The following SH3RF2 variants were observed in gnomAD, a reference collection of about 807,000 sequenced individuals.
The protein encoded by SH3RF2 is E3 ubiquitin-protein ligase SH3RF2.
In SH3RF2, 43 loss-of-function variants were observed where a neutral mutation model predicts 59.0. The observed-to-expected ratio is 0.73, with a 90% confidence interval of 0.57 to 0.94. The LOEUF is 0.94. Among genes scored for constraint, SH3RF2 ranks in the 40% least tolerant of loss-of-function variants. SH3RF2 has a pLI of 0.00. For missense variants in SH3RF2, 930 were observed against 940.1 expected (o/e 0.99, Z 0.14); for synonymous variants, 391 against 391.5 (o/e 1.00, Z 0.01).
intron 2 of SH3RF2, among the ~76,000 whole-genome samples, chr5:145,991,836 A>C (rs933840842): frequency 3.3e-5 from 5 of 152,224 alleles, no homozygotes; most frequent in South Asian, 2.1e-4. Context: ...AGAAAGAAAG[A>C]AAGCTAGCAA....
rs1382787850 is a variant in SH3RF2 at position 146,060,042 on chromosome 5, G to A, written c.1732G>A (p.Gly578Arg). 6.2e-7 allele frequency: 1 copy of A among 1,612,930 alleles called. No homozygotes were observed. Among genetic ancestry groups the A allele is most frequent in the Non-Finnish European group, 8.5e-7 (1 of 1,179,498 alleles). The change falls in exon 9 of 10, where the codon GGG (glycine) becomes AGG (arginine). Residue 578 changes from glycine to arginine, a missense_variant. Gly to Arg is a moderately radical substitution (Grantham distance 125, BLOSUM62 -2). Coordinates refer to ENST00000359120, the MANE Select transcript of SH3RF2 (RefSeq NM_152550.4). ...GATGGGGTCCAAGCCTGCCCTCACG[G>A]GGGAGCCCGCCCTCACGTGCATCAG... ...VEMGSKPALT[G>R]EPALTCISRG... is the part of the protein sequence containing the mutation.
chr5:146,081,483 A>G (rs1419576508), exon 10 of SH3RF2: 1 of 152,196 alleles, frequency 6.6e-6, no homozygotes, highest in Non-Finnish European at 1.5e-5. Context: ...TAGTGGCCTT[A>G]ATGAAGTGCT....
chr5:145,992,076 T>C (rs1313777755), intron 2 of SH3RF2, among the ~76,000 whole-genome samples: 1 of 152,110 alleles, frequency 6.6e-6, no homozygotes, highest in Non-Finnish European at 1.5e-5. Context: ...CCACAGATTA[T>C]ATTTTAAGAA....
intron 5 of SH3RF2, among the ~76,000 whole-genome samples, chr5:146,028,532 C>T (rs577049430): frequency 1.2e-4 from 18 of 152,340 alleles, no homozygotes; most frequent in East Asian, 3.9e-4. Context: ...TTGCGGCGGC[C>T]GCCCTGGGCA....
intron 2 of SH3RF2, among the ~76,000 whole-genome samples, chr5:145,998,926 A>C (rs986686097): frequency 3.3e-5 from 5 of 152,208 alleles, no homozygotes; most frequent in Non-Finnish European, 7.3e-5. Context: ...AAAAGAAAAC[A>C]AAAAAGTTGT....
intron 2 of SH3RF2, among the ~76,000 whole-genome samples, chr5:145,940,146 G>A (rs1470394324): frequency 2.0e-5 from 3 of 152,108 alleles, no homozygotes; most frequent in Non-Finnish European, 4.4e-5. Context: ...TCAGACTATC[G>A]TCTGTGCCCA....
At chr5:145,938,631 G>A (rs1398097778) in intron 2 of SH3RF2, among the ~76,000 whole-genome samples, 2 of 152,190 alleles carry the variant, frequency 1.3e-5, no homozygotes, top group Non-Finnish European at 2.9e-5. Flanking sequence ...ACTAGTGCCT[G>A]GGAAATGCAC....
At chr5:146,076,018 T>C (rs902031254) in intron 9 of SH3RF2, among the ~76,000 whole-genome samples, 1 of 152,028 alleles carries the variant, frequency 6.6e-6, no homozygotes, top group Non-Finnish European at 1.5e-5. Flanking sequence ...CCTCCTACCA[T>C]TGATGGGATT....
chr5:146,004,154 G>C lies in SH3RF2; in HGVS notation c.744+1G>C, dbSNP rs1310037648. The stretch of plus-strand genomic sequence containing the variant: ...CATCTTCCCTATCTTGTTTGTAGAG[G>C]TACGTGAGTATCAAGTCTACATCTG... On this transcript the variant is annotated splice_donor_variant, in intron 4 of 9. Coordinates refer to ENST00000359120, the MANE Select transcript of SH3RF2 (RefSeq NM_152550.4). LOFTEE classifies it high-confidence loss of function. 6.2e-7 allele frequency: 1 copy of C among 1,608,836 alleles called. No individual in the cohort carries two copies. Among genetic ancestry groups the C allele is most frequent in the Non-Finnish European group, 8.5e-7 (1 of 1,176,094 alleles).
intron 2 of SH3RF2, among the ~76,000 whole-genome samples, chr5:145,958,217 C>T (rs1024112660): frequency 2.6e-5 from 4 of 152,224 alleles, no homozygotes; most frequent in Non-Finnish European, 5.9e-5. Flanking sequence ...TCAGTTTCCT[C>T]CTCTGTAAAA....
chr5:146,063,791 C>T (rs1171187609), downstream of SH3RF2, among the ~76,000 whole-genome samples: 2 of 151,976 alleles, frequency 1.3e-5, no homozygotes, highest in African/African-American at 2.4e-5. Flanking sequence ...ACCCGGGAGG[C>T]GGAGATTACA....
At chr5:146,057,986 A>ATC (rs1267952512) in intron 8 of SH3RF2, among the ~76,000 whole-genome samples, 4 of 146,606 alleles carry the variant, frequency 2.7e-5, no homozygotes, top group African/African-American at 7.5e-5. Flanking sequence ...CTATCTATCT[A>ATC]TATATATATA....
At chr5:146,064,803 G>GAAA (rs1763048350), downstream of SH3RF2, among the ~76,000 whole-genome samples, 18 of 20,812 alleles carry the variant, frequency 8.6e-4, no homozygotes, top group African/African-American at 2.7e-3. Flanking sequence ...AAGGAAGGAA[G>GAAA]GAAGGAAAGA....
intron 2 of SH3RF2, among the ~76,000 whole-genome samples, chr5:145,973,059 C>G (rs990153037): frequency 2.0e-5 from 3 of 152,124 alleles, no homozygotes. Context: ...GGAAAGACAC[C>G]TGACCCGTGC....
At chr5:145,964,993 G>C (rs1253908306) in intron 2 of SH3RF2, among the ~76,000 whole-genome samples, 2 of 152,068 alleles carry the variant, frequency 1.3e-5, no homozygotes, top group African/African-American at 4.8e-5. Context: ...AGGAGTTCGA[G>C]ACTAGCCTGC....
intron 4 of SH3RF2, among the ~76,000 whole-genome samples, chr5:146,007,822 T>C (rs1274800555): frequency 6.6e-6 from 1 of 152,238 alleles, no homozygotes; most frequent in Non-Finnish European, 1.5e-5. Flanking sequence ...TGCTCTAATC[T>C]GGAAACCTGA....
intron 9 of SH3RF2, among the ~76,000 whole-genome samples, chr5:146,070,788 A>G (rs888136280): frequency 1.3e-5 from 2 of 152,196 alleles, no homozygotes; most frequent in African/African-American, 4.8e-5. Context: ...GGGTAGATAC[A>G]CACCCACAGA....
chr5:146,056,306 C>G (rs1475317500), intron 8 of SH3RF2, 93 bp downstream of exon 8: 2 of 1,570,780 alleles, frequency 1.3e-6, no homozygotes, highest in African/African-American at 2.7e-5. Context: ...AAAACAGGAT[C>G]TTGGCTTTAA....
chr5:146,004,086 T>C lies in SH3RF2; in HGVS notation c.677T>C (p.Val226Ala). ...GATATCATCACTGTGATCAGCCGAG[T>C]GGATGAGAACTGGGCAGAAGGCAAG... is the stretch of plus-strand genomic sequence containing the variant. ...KDDIITVISR[V>A]DENWAEGKLG... Residue 226 changes from valine (V) to alanine (A), a missense_variant, in exon 4 of 10, where the codon GTG (valine) becomes GCG (alanine). By Grantham distance (64) the Val-to-Ala change is moderately conservative. Transcript: ENST00000359120. 6.2e-7 allele frequency: 1 copy of C among 1,612,810 alleles called. No individual in the cohort carries two copies. The highest frequency in any genetic ancestry group is 8.5e-7 in the Non-Finnish European group (1 of 1,179,134).
Sources: allele counts gnomAD v4.1 joint callset (sites outside exome capture counted in the v4.1 genomes callset), GRCh38; gene constraint gnomAD v4.1.1; transcripts MANE v1.5; gene names NCBI Gene and HGNC (gene_info 2026-07-23, HGNC 2026-07-21).